The following TNPO1 variants were observed in gnomAD, a reference collection of about 807,000 sequenced individuals.
TNPO1 encodes the protein transportin 1.
TNPO1 carries 8 observed loss-of-function variants against 119.5 expected under a neutral mutation model. The ratio of observed to expected loss-of-function variants is 0.07; its 90% CI spans 0.04 to 0.12. The LOEUF is 0.12. Ranked by LOEUF, TNPO1 falls within the 10% of genes least tolerant of loss-of-function variation. TNPO1 has a pLI of 1.00. For synonymous variants in TNPO1, 362 were observed against 363.0 expected (o/e 1.00, Z 0.03); for missense variants, 576 against 1,089.8 (o/e 0.53, Z 6.64).
chr5:72,906,428 A>G (rs1750172648), intron 24 of TNPO1, among the ~76,000 whole-genome samples: 1 of 151,456 alleles, frequency 6.6e-6, no homozygotes, highest in Non-Finnish European at 1.5e-5. Flanking sequence ...AGTAGCTGGC[A>G]TTACAGGCAC....
chr5:72,851,472 T>TA (rs1745556327), intron 3 of TNPO1, among the ~76,000 whole-genome samples, 153 bp downstream of exon 3: 1 of 152,200 alleles, frequency 6.6e-6, no homozygotes, highest in Non-Finnish European at 1.5e-5. Context: ...ACTCAGTATT[T>TA]ACATGTTTAA....
intron 3 of TNPO1, among the ~76,000 whole-genome samples, chr5:72,851,979 T>C (rs1387202988): frequency 2.0e-5 from 3 of 152,176 alleles, no homozygotes; most frequent in Admixed American, 6.5e-5. Flanking sequence ...TAGAAAAAAA[T>C]TGAAAGGTCA....
intron 1 of TNPO1, among the ~76,000 whole-genome samples, chr5:72,821,890 A>G (rs1743974275): frequency 6.6e-6 from 1 of 152,188 alleles, no homozygotes. Flanking sequence ...TGAAAGGTAT[A>G]TAGCAGGGGT....
intron 6 of TNPO1, among the ~76,000 whole-genome samples, chr5:72,870,362 A>T (rs1747295479): frequency 6.6e-6 from 1 of 152,060 alleles, no homozygotes; most frequent in Non-Finnish European, 1.5e-5. Flanking sequence ...GGGTTTCACC[A>T]TGTTGGCCAG....
chr5:72,890,734 T>A (rs1748987502), intron 14 of TNPO1, among the ~76,000 whole-genome samples: 1 of 152,182 alleles, frequency 6.6e-6, no homozygotes, highest in Non-Finnish European at 1.5e-5. Context: ...CATTCTTTAG[T>A]TTGACACTTA....
At chr5:72,857,511 G>GTACTC (rs1247418464) in intron 4 of TNPO1, among the ~76,000 whole-genome samples, 1 of 152,186 alleles carries the variant, frequency 6.6e-6, no homozygotes, top group Admixed American at 6.5e-5. Flanking sequence ...TTACTCTAAT[G>GTACTC]TACTCTTACG....
rs1225760884 is a variant in TNPO1, at chr5:72,883,236, A to C, written c.1150+4A>C. On this transcript the variant is annotated splice_donor_region_variant and intron_variant, in intron 11 of 24. Coordinates refer to ENST00000337273, the MANE Select transcript of TNPO1 (RefSeq NM_002270.4). ...ACAATTTCTGACTGGAATCTAAGTAAGTCAGAAAGGGAAAAGCACAGTTGC... is the reference window on the plus strand; with the variant it reads ...ACAATTTCTGACTGGAATCTAAGTACGTCAGAAAGGGAAAAGCACAGTTGC... 1.4e-6 allele frequency: 2 copies of C among 1,402,198 alleles called. No individual in the cohort carries two copies. The highest frequency in any genetic ancestry group is 2.3e-5 in the East Asian group (1 of 43,848). 86.9% of individuals were successfully genotyped at this position (1,402,198 alleles called of 1,614,324 possible).
chr5:72,904,174 A>T (rs1749973853), intron 23 of TNPO1, among the ~76,000 whole-genome samples: 1 of 152,192 alleles, frequency 6.6e-6, no homozygotes, highest in Non-Finnish European at 1.5e-5. Flanking sequence ...CCCTCTTTTG[A>T]TTAACTCGTC....
intron 20 of TNPO1, among the ~76,000 whole-genome samples, chr5:72,898,325 A>G (rs188645908): frequency 1.3e-5 from 2 of 152,266 alleles, no homozygotes; most frequent in African/African-American, 4.8e-5. Flanking sequence ...GTGGGATATC[A>G]GCTGGTGAAT....
intron 13 of TNPO1, 122 bp downstream of exon 13, chr5:72,888,425 A>C (rs1023898201): frequency 1.2e-6 from 1 of 863,522 alleles, no homozygotes; most frequent in Non-Finnish European, 1.8e-6. Flanking sequence ...TTTTCCAGTT[A>C]TATCAGAAAG....
At chr5:72,852,291 G>A (rs950822110) in intron 3 of TNPO1, among the ~76,000 whole-genome samples, 1 of 152,020 alleles carries the variant, frequency 6.6e-6, no homozygotes, top group Non-Finnish European at 1.5e-5. Flanking sequence ...AATATGTAAC[G>A]CATCCCACTA....
intron 1 of TNPO1, among the ~76,000 whole-genome samples, chr5:72,835,115 A>G (rs1744644503): frequency 6.6e-6 from 1 of 152,224 alleles, no homozygotes; most frequent in African/African-American, 2.4e-5. Flanking sequence ...TGATGTTACA[A>G]CAACAAGGAA....
chr5:72,894,779 A>C (rs1186384848), intron 18 of TNPO1, among the ~76,000 whole-genome samples: 1 of 152,224 alleles, frequency 6.6e-6, no homozygotes, highest in Non-Finnish European at 1.5e-5. Context: ...CAAAAAACTA[A>C]CATAATTAAC....
intron 9 of TNPO1, 23 bp downstream of exon 9, chr5:72,877,369 G>T: frequency 8.3e-7 from 1 of 1,210,168 alleles, no homozygotes; most frequent in Non-Finnish European, 1.2e-6. Flanking sequence ...TCTTATAAAT[G>T]CTGCCTTGTT....
At chr5:72,852,565 C>G (rs564861967) in intron 3 of TNPO1, among the ~76,000 whole-genome samples, 1 of 152,254 alleles carries the variant, frequency 6.6e-6, no homozygotes, top group Non-Finnish European at 1.5e-5. Context: ...TTTTAGAAGC[C>G]ATGGTGCAAT....
intron 5 of TNPO1, among the ~76,000 whole-genome samples, 180 bp from the exon 6 acceptor site, chr5:72,865,416 C>G (rs372388939): frequency 6.8e-6 from 1 of 146,552 alleles, no homozygotes. Context: ...CCAGCCTGGG[C>G]GACACACCAA....
At chr5:72,857,891 T>C (rs1180794206) in intron 4 of TNPO1, among the ~76,000 whole-genome samples, 1 of 152,254 alleles carries the variant, frequency 6.6e-6, no homozygotes, top group African/African-American at 2.4e-5. Context: ...TGAACATGTT[T>C]AGGAGCTGAC....
chr5:72,865,804 AT>A, intron 6 of TNPO1, 75 bp downstream of exon 6: 1 of 1,423,758 alleles, frequency 7.0e-7, no homozygotes, highest in Non-Finnish European at 9.5e-7. Flanking sequence ...ATTACCTAAT[AT>A]TTTTGACATT....
chr5:72,872,270 C>G (rs572983513), intron 6 of TNPO1, among the ~76,000 whole-genome samples: 1 of 152,122 alleles, frequency 6.6e-6, no homozygotes, highest in Admixed American at 6.5e-5. Context: ...AACACATGGA[C>G]TATTCTCCAT....
Sources: allele counts gnomAD v4.1 joint callset (sites outside exome capture counted in the v4.1 genomes callset), GRCh38; gene constraint gnomAD v4.1.1; transcripts MANE v1.5; gene names NCBI Gene and HGNC (gene_info 2026-07-23, HGNC 2026-07-21).